Variants in GRIP1 observed in about 807,000 individuals in gnomAD.
The protein encoded by GRIP1 is glutamate receptor interacting protein 1, also known as glutamate receptor-interacting protein 1.
A neutral mutation model predicts 129.9 loss-of-function variants in GRIP1; 45 were observed. The observed-to-expected ratio is 0.35, with a 90% CI of 0.27 to 0.44. The LOEUF is 0.44. Among genes scored for constraint, GRIP1 ranks in the 20% least tolerant of loss-of-function variants. The pLI is 1.00. For missense variants in GRIP1, 1,196 were observed against 1,396.8 expected, an observed-to-expected ratio of 0.86 and a Z score of 2.29; for synonymous variants, 530 against 520.8, an observed-to-expected ratio of 1.02 and a Z score of -0.24.
At chr12:66,546,006 CAT>C in intron 2 of GRIP1, among the ~76,000 whole-genome samples, 1 of 152,226 alleles carries the variant, frequency 6.6e-6, no homozygotes, top group African/African-American at 2.4e-5. Flanking sequence ...ATAACAAAGA[CAT>C]TAATTCTTTC....
chr12:67,037,710 T>C (rs568510405), intron 1 of GRIP1, among the ~76,000 whole-genome samples: 1 of 152,290 alleles, frequency 6.6e-6, no homozygotes, highest in South Asian at 2.1e-4. Flanking sequence ...AAAAGCATCA[T>C]TCCATTTGTC....
chr12:66,574,262 G>T (rs916450885), intron 2 of GRIP1, among the ~76,000 whole-genome samples: 1 of 152,114 alleles, frequency 6.6e-6, no homozygotes, highest in Non-Finnish European at 1.5e-5. Context: ...TCATTATAGC[G>T]GTTTTAAAAA....
intron 1 of GRIP1, among the ~76,000 whole-genome samples, chr12:67,013,195 C>A (rs1334062953): frequency 6.6e-6 from 1 of 152,066 alleles, no homozygotes; most frequent in African/African-American, 2.4e-5. Flanking sequence ...AATAGACTTG[C>A]CATTTCCATA....
At chr12:66,465,225 C>A (rs371316854) in intron 8 of GRIP1, 50 bp downstream of exon 8, 2 of 1,544,076 alleles carry the variant, frequency 1.3e-6, no homozygotes, top group Non-Finnish European at 1.8e-6. Flanking sequence ...GGATTACAGG[C>A]GTGAGCCACT....
intron 1 of GRIP1, among the ~76,000 whole-genome samples, chr12:66,605,748 G>A (rs1375299204): frequency 6.6e-6 from 1 of 152,004 alleles, no homozygotes; most frequent in Non-Finnish European, 1.5e-5. Flanking sequence ...AGTGTAAATT[G>A]ATACATGTCA....
chr12:66,919,526 T>C (rs975832572), intron 1 of GRIP1, among the ~76,000 whole-genome samples: 1 of 152,214 alleles, frequency 6.6e-6, no homozygotes, highest in African/African-American at 2.4e-5. Context: ...ACACGGGGAC[T>C]GGTTTGCATT....
intron 7 of GRIP1, among the ~76,000 whole-genome samples, chr12:66,476,637 T>C (rs1321471114): frequency 1.3e-5 from 2 of 152,170 alleles, no homozygotes; most frequent in Non-Finnish European, 2.9e-5. Flanking sequence ...AATAAAATAC[T>C]GGCAAACTGA....
At chr12:66,937,789 G>A (rs569583939) in intron 1 of GRIP1, among the ~76,000 whole-genome samples, 79 of 152,224 alleles carry the variant, frequency 5.2e-4, no homozygotes, top group African/African-American at 1.9e-3. Flanking sequence ...GGCAGTTGAT[G>A]CTACAATAAT....
chr12:66,619,822 T>C (rs976337389), intron 1 of GRIP1, among the ~76,000 whole-genome samples: 2 of 152,174 alleles, frequency 1.3e-5, no homozygotes, highest in East Asian at 1.9e-4. Flanking sequence ...AAATTCTGCA[T>C]GTACAGAGGG....
At chr12:66,801,212 G>A (rs12829244) in intron 1 of GRIP1, among the ~76,000 whole-genome samples, 14,058 of 152,018 alleles carry the variant, frequency 0.092, 856 homozygotes, top group Non-Finnish European at 0.14. Context: ...GAAATGTTTG[G>A]TGACTTACCC....
At chr12:66,506,517 G>T (rs576013586) in intron 7 of GRIP1, among the ~76,000 whole-genome samples, 8 of 152,192 alleles carry the variant, frequency 5.3e-5, no homozygotes, top group African/African-American at 1.7e-4. Context: ...ATCAAGACAG[G>T]GGTTACACAT....
intron 1 of GRIP1, among the ~76,000 whole-genome samples, chr12:66,669,720 T>C: frequency 6.6e-6 from 1 of 152,160 alleles, no homozygotes; most frequent in East Asian, 1.9e-4. Flanking sequence ...GTCTCTGGTG[T>C]AAATACTCCC....
At chr12:66,426,198 TA>T (rs1414337698) in intron 14 of GRIP1, among the ~76,000 whole-genome samples, 1 of 152,154 alleles carries the variant, frequency 6.6e-6, no homozygotes, top group African/African-American at 2.4e-5. Context: ...ATAAATCCCT[TA>T]ATTCTAAGAC....
chr12:67,068,908 AT>A (rs2043684947), intron 1 of GRIP1: 1 of 121,214 alleles, frequency 8.2e-6, no homozygotes, highest in African/African-American at 3.4e-5. Context: ...CGCCACCTGG[AT>A]TCGCCCGCGG....
At chr12:66,528,372 C>T (rs1330729388) in intron 5 of GRIP1, among the ~76,000 whole-genome samples, 1 of 152,074 alleles carries the variant, frequency 6.6e-6, no homozygotes, top group Admixed American at 6.6e-5. Context: ...CTCCTGACCT[C>T]ATTATCTGCC....
intron 1 of GRIP1, among the ~76,000 whole-genome samples, chr12:66,970,540 C>CTTTTTTTT (rs3051201): frequency 7.7e-6 from 1 of 129,772 alleles, no homozygotes; most frequent in Non-Finnish European, 1.6e-5. Flanking sequence ...CCTCTAGTGT[C>CTTTTTTTT]TTTTTTTTTT....
chr12:66,413,407 G>A (rs182156232), intron 15 of GRIP1, among the ~76,000 whole-genome samples: 73 of 152,068 alleles, frequency 4.8e-4, no homozygotes, highest in Non-Finnish European at 9.1e-4. Flanking sequence ...TGAAACTAAT[G>A]AGAACAAAGA....
intron 1 of GRIP1, among the ~76,000 whole-genome samples, chr12:66,833,874 A>T (rs115377177): frequency 0.013 from 2,001 of 152,284 alleles, 57 homozygotes; most frequent in African/African-American, 0.045. Context: ...AAAAAAATTT[A>T]AAAGGATTAT....
intron 1 of GRIP1, among the ~76,000 whole-genome samples, chr12:67,058,561 T>C (rs1240710080): frequency 1.3e-5 from 2 of 152,206 alleles, no homozygotes; most frequent in African/African-American, 4.8e-5. Flanking sequence ...AAGAAATATG[T>C]CGGTTCTTGT....
Sources: gnomAD v4.1 joint callset for allele counts (sites outside exome capture counted in the v4.1 genomes callset) on GRCh38, gnomAD v4.1.1 for gene constraint, MANE v1.5 for transcripts, NCBI Gene and HGNC (gene_info 2026-07-23, HGNC 2026-07-21) for gene names.